Variants in MMP26 observed in about 807,000 individuals in gnomAD.
MMP26 encodes matrix metalloproteinase-26.
A neutral mutation model predicts 31.0 loss-of-function variants in MMP26; 33 were observed. The ratio of observed to expected loss-of-function variants is 1.06; its 90% CI spans 0.81 to 1.42. The LOEUF is 1.42. MMP26 is among the 40% of genes most tolerant of loss of function. The pLI is 0.00. For missense variants in MMP26, 347 were observed against 316.1 expected, an observed-to-expected ratio of 1.10 and a Z score of -0.74; for synonymous variants, 122 against 114.9, an observed-to-expected ratio of 1.06 and a Z score of -0.40.
chr11:4,799,566 G>T (rs572888763), intron 2 of MMP26, among the ~76,000 whole-genome samples: 34 of 152,078 alleles, frequency 2.2e-4, no homozygotes, highest in Non-Finnish European at 4.4e-4. Flanking sequence ...GTATCATTAT[G>T]CCCTGGCACT....
chr11:4,987,637 C>T (rs1846925171), intron 2 of MMP26, among the ~76,000 whole-genome samples: 1 of 151,722 alleles, frequency 6.6e-6, no homozygotes, highest in African/African-American at 2.4e-5. Flanking sequence ...CCAGGATGGT[C>T]TCGATCTCCT....
intron 2 of MMP26, among the ~76,000 whole-genome samples, chr11:4,892,861 T>C (rs1850646993): frequency 6.6e-6 from 1 of 152,178 alleles, no homozygotes; most frequent in Non-Finnish European, 1.5e-5. Flanking sequence ...AATATGAATC[T>C]CATGTTGATT....
chr11:4,991,336 A>G, intron 5 of MMP26, 35 bp from the exon 6 acceptor site: 1 of 1,598,076 alleles, frequency 6.3e-7, no homozygotes, highest in East Asian at 2.2e-5. Context: ...TTCTACCTCC[A>G]CCCTCATTGT....
At chr11:4,991,822 C>T (rs941457303) in intron 6 of MMP26, 142 bp from the exon 7 acceptor site, 5 of 769,972 alleles carry the variant, frequency 6.5e-6, no homozygotes, top group Non-Finnish European at 9.8e-6. Context: ...TCTTTCCCTC[C>T]TTGCCTACCT....
intron 2 of MMP26, among the ~76,000 whole-genome samples, chr11:4,957,689 CT>C (rs1181606759): frequency 1.2e-4 from 17 of 146,012 alleles, no homozygotes; most frequent in Admixed American, 2.0e-4. Context: ...GTTTTTTTTT[CT>C]TTTTTTTTTG....
intron 2 of MMP26, among the ~76,000 whole-genome samples, chr11:4,853,291 G>T (rs113742594): frequency 2.6e-5 from 4 of 152,052 alleles, no homozygotes; most frequent in Admixed American, 6.5e-5. Context: ...TGGCTTGATT[G>T]TGGTCAACAT....
intron 2 of MMP26, chr11:4,795,242 A>C (rs12282736): frequency 0.15 from 23,134 of 152,204 alleles, 1,878 homozygotes; most frequent in Middle Eastern, 0.21. Flanking sequence ...CAGGAAACGG[A>C]TCCAGAATTG....
chr11:4,769,819 G>T (rs890798775), intron 2 of MMP26: 1 of 1,612,798 alleles, frequency 6.2e-7, no homozygotes, highest in Non-Finnish European at 8.5e-7. Context: ...AAAAACAACA[G>T]AAAGGAATGG....
chr11:4,840,686 A>T (rs1043670125), intron 2 of MMP26, among the ~76,000 whole-genome samples: 78 of 152,330 alleles, frequency 5.1e-4, no homozygotes, highest in African/African-American at 1.7e-3. Context: ...AATATCTATA[A>T]AGCCATCCCA....
At chr11:4,816,397 C>T (rs573895410) in intron 2 of MMP26, among the ~76,000 whole-genome samples, 101 of 151,678 alleles carry the variant, frequency 6.7e-4, no homozygotes, top group South Asian at 1.3e-3. Flanking sequence ...AATTTAAATC[C>T]AAGGTTTCTT....
chr11:4,963,028 A>T (rs1408801858), intron 2 of MMP26, among the ~76,000 whole-genome samples: 1 of 152,180 alleles, frequency 6.6e-6, no homozygotes, highest in Non-Finnish European at 1.5e-5. Context: ...CTTTCCCATT[A>T]GCCAAGAAAG....
At chr11:4,795,644 A>G (rs768624841) in intron 2 of MMP26, among the ~76,000 whole-genome samples, 1 of 152,236 alleles carries the variant, frequency 6.6e-6, no homozygotes, top group Admixed American at 6.5e-5. Context: ...TAAATGCTAC[A>G]TTAAACATTA....
intron 2 of MMP26, among the ~76,000 whole-genome samples, chr11:4,787,919 A>C (rs1848970846): frequency 1.3e-5 from 2 of 152,344 alleles, no homozygotes; most frequent in South Asian, 4.1e-4. Flanking sequence ...GGATAACCAT[A>C]ATTTCAATTT....
At chr11:4,837,525 A>C (rs1849735148) in intron 2 of MMP26, among the ~76,000 whole-genome samples, 1 of 152,134 alleles carries the variant, frequency 6.6e-6, no homozygotes, top group African/African-American at 2.4e-5. Context: ...AATATAAACA[A>C]CCCAATAGAA....
chr11:4,820,795 C>T (rs1441729784), intron 2 of MMP26, among the ~76,000 whole-genome samples: 1 of 152,156 alleles, frequency 6.6e-6, no homozygotes, highest in African/African-American at 2.4e-5. Context: ...TACGATCTAT[C>T]TCCAAGAGTT....
At chr11:4,987,126 T>A (rs1373818046) in intron 2 of MMP26, among the ~76,000 whole-genome samples, 2 of 144,882 alleles carry the variant, frequency 1.4e-5, no homozygotes, top group South Asian at 4.5e-4. Flanking sequence ...AGGTGATCCA[T>A]CCTCCTCAGC....
chr11:4,983,523 A>T (rs543543067), intron 2 of MMP26, among the ~76,000 whole-genome samples: 1 of 152,302 alleles, frequency 6.6e-6, no homozygotes, highest in African/African-American at 2.4e-5. Flanking sequence ...TTCTTCCAGA[A>T]GGAGATGGGA....
chr11:4,937,546 A>C (rs1487060782), intron 2 of MMP26: 1 of 152,994 alleles, frequency 6.5e-6, no homozygotes, highest in African/African-American at 2.4e-5. Flanking sequence ...ATAGAAGATA[A>C]GCACAGCACA....
At chr11:4,800,873 T>TAAG (rs781621070) in intron 2 of MMP26, among the ~76,000 whole-genome samples, 18,928 of 152,070 alleles carry the variant, frequency 0.12, 2,318 homozygotes, top group African/African-American at 0.31. Context: ...AAGTTCAAAC[T>TAAG]TTCATAGGTC....
Sources: gnomAD v4.1 joint callset for allele counts (sites outside exome capture counted in the v4.1 genomes callset) on GRCh38, gnomAD v4.1.1 for gene constraint, MANE v1.5 for transcripts, NCBI Gene and HGNC (gene_info 2026-07-23, HGNC 2026-07-21) for gene names.